The following CSMD3 variants were observed in gnomAD, a reference collection of about 807,000 sequenced individuals.
CSMD3 encodes CUB and Sushi multiple domains 3.
A neutral mutation model predicts 435.2 loss-of-function variants in CSMD3; 177 were observed. That is an observed-to-expected ratio of 0.41 (90% CI 0.36 to 0.46). CSMD3 has a LOEUF of 0.46. Among genes scored for constraint, CSMD3 ranks in the 20% least tolerant of loss-of-function variants. The probability of loss-of-function intolerance (pLI) is 0.34; values close to 1 mark genes in which losing one functional copy is unlikely to be tolerated. For synonymous variants in CSMD3, 1,656 were observed against 1,520.5 expected, an observed-to-expected ratio of 1.09 and a Z score of -2.07; for missense variants, 4,265 against 4,504.6, an observed-to-expected ratio of 0.95 and a Z score of 1.52.
chr8:112,233,680 A>T (rs1813300296), intron 68 of CSMD3, among the ~76,000 whole-genome samples: 1 of 152,106 alleles, frequency 6.6e-6, no homozygotes, highest in Non-Finnish European at 1.5e-5. Context: ...TCCTTATGAA[A>T]AAAAGGCTTG....
chr8:113,430,480 T>C (rs1001492401), intron 1 of CSMD3, among the ~76,000 whole-genome samples: 1 of 152,182 alleles, frequency 6.6e-6, no homozygotes, highest in African/African-American at 2.4e-5. Flanking sequence ...CCAGAGCCCT[T>C]GCTCTTTCCA....
Position 112,458,384 on chromosome 8 carries a change from C to G in CSMD3, c.5395+14207G>C, listed in dbSNP as rs573007751. Among the ~76,000 whole-genome samples the G allele has an allele frequency of 2.6e-5, 4 of 152,168 alleles. No individual in the cohort carries two copies. The East Asian group carries it at 7.7e-4, about 29-fold the overall frequency. ...TCACCCAGATATGTTAGTTTACCCTCCCAAAGTCTTGGGTAAAGTTGGTTT... is the reference window on the plus strand; with the variant it reads ...TCACCCAGATATGTTAGTTTACCCTGCCAAAGTCTTGGGTAAAGTTGGTTT... On this transcript the variant is annotated intron_variant, in intron 32 of 70. Transcript: ENST00000297405.
intron 10 of CSMD3, among the ~76,000 whole-genome samples, chr8:112,902,651 T>C (rs184976206): frequency 6.6e-6 from 1 of 151,382 alleles, no homozygotes; most frequent in East Asian, 2.0e-4. Flanking sequence ...TTCATTCTTA[T>C]ATCTCTGGTC....
intron 3 of CSMD3, among the ~76,000 whole-genome samples, chr8:113,231,811 C>T (rs1402128182): frequency 6.6e-6 from 1 of 151,278 alleles, no homozygotes; most frequent in African/African-American, 2.4e-5. Context: ...GATATTAGAA[C>T]AACTGGTATA....
chr8:112,479,952 G>A (rs1586462696), intron 31 of CSMD3, among the ~76,000 whole-genome samples: 1 of 152,172 alleles, frequency 6.6e-6, no homozygotes, highest in African/African-American at 2.4e-5. Flanking sequence ...TAATGGCAGA[G>A]GCACTAGCAG....
intron 1 of CSMD3, among the ~76,000 whole-genome samples, chr8:113,409,008 C>T (rs576458282): frequency 5.9e-5 from 9 of 151,520 alleles, no homozygotes; most frequent in Admixed American, 2.6e-4. Flanking sequence ...AAGAGTTTCT[C>T]GGCCCATAGC....
At chr8:112,425,099 G>C (rs984471748) in intron 32 of CSMD3, among the ~76,000 whole-genome samples, 1 of 152,164 alleles carries the variant, frequency 6.6e-6, no homozygotes, top group Non-Finnish European at 1.5e-5. Flanking sequence ...ATTCTTTACA[G>C]TTAAATGATG....
chr8:112,567,292 A>G (rs1829138932), intron 24 of CSMD3, among the ~76,000 whole-genome samples: 1 of 152,158 alleles, frequency 6.6e-6, no homozygotes, highest in African/African-American at 2.4e-5. Flanking sequence ...TTTAAGATGG[A>G]GTCTGAACAA....
chr8:112,767,011 A>G (rs2077996284), intron 13 of CSMD3, among the ~76,000 whole-genome samples: 1 of 152,008 alleles, frequency 6.6e-6, no homozygotes, highest in Non-Finnish European at 1.5e-5. Context: ...ACTATGCATC[A>G]GGGTTTAGCT....
chr8:112,691,159 T>A (rs1586979902), intron 13 of CSMD3, among the ~76,000 whole-genome samples: 1 of 152,144 alleles, frequency 6.6e-6, no homozygotes, highest in East Asian at 1.9e-4. Flanking sequence ...TCTTTCTCCT[T>A]TTTAACCAAA....
intron 13 of CSMD3, among the ~76,000 whole-genome samples, chr8:112,740,388 A>G (rs2077278258): frequency 6.6e-6 from 1 of 151,664 alleles, no homozygotes; most frequent in Non-Finnish European, 1.5e-5. Context: ...CACTTAAATA[A>G]TACATGTCAG....
At chr8:112,955,135 T>C (rs934024059) in intron 7 of CSMD3, among the ~76,000 whole-genome samples, 3 of 151,662 alleles carry the variant, frequency 2.0e-5, no homozygotes, top group African/African-American at 2.4e-5. Context: ...AGTATTAGAA[T>C]AGTGGGAAGG....
intron 15 of CSMD3, among the ~76,000 whole-genome samples, chr8:112,682,984 G>A (rs2075934537): frequency 6.6e-6 from 1 of 151,958 alleles, no homozygotes; most frequent in African/African-American, 2.4e-5. Flanking sequence ...TAATTAAAAT[G>A]CAAAGCAATT....
At chr8:112,226,752 A>T (rs961238656) in intron 70 of CSMD3, among the ~76,000 whole-genome samples, 1 of 152,190 alleles carries the variant, frequency 6.6e-6, no homozygotes, top group African/African-American at 2.4e-5. Flanking sequence ...GTATTTGAAT[A>T]GGCATTTCAA....
At chr8:112,649,396 G>C (rs2075064599) in intron 19 of CSMD3, among the ~76,000 whole-genome samples, 1 of 152,152 alleles carries the variant, frequency 6.6e-6, no homozygotes, top group South Asian at 2.1e-4. Context: ...GACAGTACTT[G>C]AAAATTTAAT....
chr8:113,401,147 A>G (rs1386690423), intron 1 of CSMD3, among the ~76,000 whole-genome samples: 1 of 151,786 alleles, frequency 6.6e-6, no homozygotes, highest in Non-Finnish European at 1.5e-5. Context: ...ACACTGTTAG[A>G]AATATTAACA....
chr8:112,677,409 G>T (rs1348811400), intron 16 of CSMD3, among the ~76,000 whole-genome samples: 1 of 144,726 alleles, frequency 6.9e-6, no homozygotes, highest in African/African-American at 2.5e-5. Flanking sequence ...TAAAACACTT[G>T]CATCCTAACT....
chr8:112,590,277 G>C (rs2131366119), intron 22 of CSMD3, among the ~76,000 whole-genome samples: 1 of 152,192 alleles, frequency 6.6e-6, no homozygotes, highest in Non-Finnish European at 1.5e-5. Context: ...TATAGTATGT[G>C]AAAGCATATA....
At chr8:112,565,487 T>A (rs933256809) in intron 24 of CSMD3, among the ~76,000 whole-genome samples, 11 of 152,146 alleles carry the variant, frequency 7.2e-5, no homozygotes, top group Admixed American at 2.0e-4. Context: ...AATGCCCATC[T>A]TTAATTTGAA....
Sources: allele counts gnomAD v4.1 joint callset (sites outside exome capture counted in the v4.1 genomes callset), GRCh38; gene constraint gnomAD v4.1.1; transcripts MANE v1.5; gene names NCBI Gene and HGNC (gene_info 2026-07-23, HGNC 2026-07-21).